The following PDE4D variants were observed in gnomAD, a reference collection of about 807,000 sequenced individuals.
PDE4D encodes phosphodiesterase 4D, also known as 3',5'-cyclic-AMP phosphodiesterase 4D.
PDE4D carries 24 observed loss-of-function variants against 87.4 expected under a neutral mutation model. That is an observed-to-expected ratio of 0.27 (90% confidence interval 0.20 to 0.39). The LOEUF is 0.39. Ranked by LOEUF, PDE4D falls within the 10% of genes least tolerant of loss-of-function variation. The probability of loss-of-function intolerance (pLI) is 1.00; values close to 1 mark genes in which losing one functional copy is unlikely to be tolerated. For missense variants in PDE4D, 714 were observed against 1,041.0 expected (o/e 0.69, Z 4.32); for synonymous variants, 384 against 383.2 (o/e 1.00, Z -0.02).
At chr5:59,784,908 TTTTTCTCTCA>T (rs1765009224) in intron 1 of PDE4D, among the ~76,000 whole-genome samples, 1 of 145,832 alleles carries the variant, frequency 6.9e-6, no homozygotes, top group Non-Finnish European at 1.5e-5. Flanking sequence ...TTTTTCATGG[TTTTTCTCTCA>T]TTTTCTCTCA....
intron 2 of PDE4D, among the ~76,000 whole-genome samples, chr5:60,074,504 A>G (rs1047094959): frequency 2.0e-4 from 30 of 152,092 alleles, no homozygotes; most frequent in Non-Finnish European, 4.0e-4. Flanking sequence ...GTGGAGAGAT[A>G]TGTAGATGTC....
At chr5:59,740,114 C>T (rs1758626369) in intron 1 of PDE4D, among the ~76,000 whole-genome samples, 1 of 152,178 alleles carries the variant, frequency 6.6e-6, no homozygotes, top group African/African-American at 2.4e-5. Flanking sequence ...TACTTTATTG[C>T]TGCTGGTGTC....
intron 1 of PDE4D, among the ~76,000 whole-genome samples, chr5:59,536,504 C>CAAAAAAAAAAAAAAAAAAAAAAAAAA (rs10586960): frequency 1.8e-5 from 1 of 56,376 alleles, no homozygotes; most frequent in African/African-American, 9.3e-5. Flanking sequence ...GACTCAGCCT[C>CAAAAAAAAAAAAAAAAAAAAAAAAAA]AAAAAAAAAA....
intron 1 of PDE4D, among the ~76,000 whole-genome samples, chr5:59,461,737 T>C (rs1800814642): frequency 6.6e-6 from 1 of 152,182 alleles, no homozygotes; most frequent in Non-Finnish European, 1.5e-5. Context: ...CCAGATTTTT[T>C]TCCTGCTTAT....
intron 1 of PDE4D, chr5:59,430,474 G>C (rs1795944463): frequency 8.3e-7 from 1 of 1,207,550 alleles, no homozygotes. Flanking sequence ...CAGCATTCCT[G>C]GGAAGGCTGG....
intron 1 of PDE4D, among the ~76,000 whole-genome samples, chr5:59,796,462 C>G (rs924265743): frequency 3.3e-5 from 5 of 152,230 alleles, no homozygotes; most frequent in African/African-American, 4.8e-5. Context: ...CTTTTACCAA[C>G]TCCGTGACCT....
At chr5:59,227,275 G>T (rs929545384) in intron 1 of PDE4D, among the ~76,000 whole-genome samples, 10 of 152,074 alleles carry the variant, frequency 6.6e-5, no homozygotes, top group Non-Finnish European at 1.3e-4. Context: ...AAAGCTAAAG[G>T]TATAAAAACC....
At position 59,882,934 on chromosome 5, in the gene PDE4D, T is replaced by A. The variant is rs1196637885; in HGVS notation, c.455+10234A>T. On this transcript the variant is annotated intron_variant, in intron 1 of 14. Transcript: ENST00000340635. Reference sequence around the variant, plus strand: ...CTGGGATTACAGGCACGTGTCACCATGCCTGGATAAATTTTGTATTTTTTG... The same window carrying A: ...CTGGGATTACAGGCACGTGTCACCAAGCCTGGATAAATTTTGTATTTTTTG... Among the ~76,000 whole-genome samples, 3 of 152,272 alleles carry A rather than the reference T, an allele frequency of 2.0e-5. No homozygotes were observed. The East Asian group carries it at 5.8e-4, about 29-fold the overall frequency.
At chr5:59,743,664 G>T (rs1052057625) in intron 1 of PDE4D, among the ~76,000 whole-genome samples, 1 of 152,074 alleles carries the variant, frequency 6.6e-6, no homozygotes, top group African/African-American at 2.4e-5. Flanking sequence ...GACACACTTA[G>T]ATATATATCC....
intron 1 of PDE4D, among the ~76,000 whole-genome samples, chr5:59,499,718 A>T (rs2153663808): frequency 6.6e-6 from 1 of 152,214 alleles, no homozygotes; most frequent in East Asian, 1.9e-4. Context: ...CCAAGATTAA[A>T]CCAGGAAGAA....
chr5:59,245,765 T>G (rs1228838624), intron 1 of PDE4D, among the ~76,000 whole-genome samples: 2 of 152,052 alleles, frequency 1.3e-5, no homozygotes, highest in African/African-American at 4.8e-5. Flanking sequence ...TTTCTCATCT[T>G]AAATGTAGAC....
At chr5:59,602,689 C>T (rs1486173045) in intron 1 of PDE4D, among the ~76,000 whole-genome samples, 3 of 151,968 alleles carry the variant, frequency 2.0e-5, no homozygotes, top group Admixed American at 1.3e-4. Flanking sequence ...AAAAACAATA[C>T]TAAATTTCAT....
At chr5:60,137,440 C>G (rs769413765) in intron 2 of PDE4D, among the ~76,000 whole-genome samples, 3 of 152,174 alleles carry the variant, frequency 2.0e-5, no homozygotes, top group Non-Finnish European at 2.9e-5. Context: ...ATTCGTTTTT[C>G]TCCATAAGCA....
chr5:59,207,830 T>G (rs936712070), intron 2 of PDE4D, among the ~76,000 whole-genome samples: 1 of 151,722 alleles, frequency 6.6e-6, no homozygotes, highest in African/African-American at 2.4e-5. Flanking sequence ...TATACAGGAG[T>G]GAGAAAAACT....
chr5:59,995,261 C>A (rs1204683077), intron 2 of PDE4D, among the ~76,000 whole-genome samples: 4 of 151,850 alleles, frequency 2.6e-5, no homozygotes, highest in Non-Finnish European at 4.4e-5. Context: ...TCTTTAAAAC[C>A]TAGGCATTGT....
chr5:60,293,387 G>A (rs1350493562), intron 1 of PDE4D, among the ~76,000 whole-genome samples: 1 of 151,928 alleles, frequency 6.6e-6, no homozygotes, highest in Non-Finnish European at 1.5e-5. Flanking sequence ...GGTGGCACAC[G>A]CCTATAGTCC....
chr5:59,262,927 T>C (rs1011557206), intron 1 of PDE4D, among the ~76,000 whole-genome samples: 3 of 151,786 alleles, frequency 2.0e-5, no homozygotes, highest in East Asian at 1.9e-4. Context: ...CTTGGAAGTA[T>C]ATATTTTAGA....
intron 3 of PDE4D, among the ~76,000 whole-genome samples, chr5:59,937,287 T>C (rs1026089166): frequency 1.3e-5 from 2 of 152,180 alleles, no homozygotes; most frequent in African/African-American, 4.8e-5. Context: ...AAATAATATA[T>C]ACGCTAACAT....
In PDE4D at chr5:59,669,088, C is replaced by T. The variant is rs183141361; in HGVS notation, c.455+224080G>A. ...CTTTGGTTGTAATATGATCAGATGG[C>T]TAGTTCCCTTTATTCTTTATTTTTG... On this transcript the variant is annotated intron_variant, in intron 1 of 14. Transcript: ENST00000340635. Among the ~76,000 whole-genome samples the T allele has an allele frequency of 1.1e-4, 16 of 152,246 alleles. No individual in the cohort carries two copies. The East Asian group carries it at 2.9e-3, about 28-fold the overall frequency.
Sources: gnomAD v4.1 joint callset for allele counts (sites outside exome capture counted in the v4.1 genomes callset) on GRCh38, gnomAD v4.1.1 for gene constraint, MANE v1.5 for transcripts, NCBI Gene and HGNC (gene_info 2026-07-23, HGNC 2026-07-21) for gene names.